The following CTNND2 variants were observed in gnomAD, a reference collection of about 807,000 sequenced individuals.
The protein encoded by CTNND2 is catenin delta-2.
Under a neutral mutation model 144.4 loss-of-function variants are expected in CTNND2, and 22 were observed. That is an observed-to-expected ratio of 0.15 (90% CI 0.11 to 0.22). The LOEUF is 0.22. Among genes scored for constraint, CTNND2 ranks in the 10% least tolerant of loss-of-function variants. The pLI is 1.00. For synonymous variants in CTNND2, 751 were observed against 695.6 expected (o/e 1.08, Z -1.25); for missense variants, 1,353 against 1,618.8 (o/e 0.84, Z 2.82).
At chr5:11,351,519 T>C (rs1755342489) in intron 8 of CTNND2, among the ~76,000 whole-genome samples, 1 of 152,218 alleles carries the variant, frequency 6.6e-6, no homozygotes. Context: ...AATAAAGAGA[T>C]GTTTTACGTT....
At chr5:11,284,159 A>G (rs1747478725) in intron 9 of CTNND2, among the ~76,000 whole-genome samples, 1 of 152,170 alleles carries the variant, frequency 6.6e-6, no homozygotes, top group African/African-American at 2.4e-5. Flanking sequence ...CTTCAGCCAC[A>G]TGGAGAGCGT....
chr5:11,810,834 A>G (rs1293875123), intron 1 of CTNND2, among the ~76,000 whole-genome samples: 1 of 152,116 alleles, frequency 6.6e-6, no homozygotes, highest in Non-Finnish European at 1.5e-5. Flanking sequence ...TAAGTTAGGC[A>G]ACACCTGGTG....
chr5:11,425,751 A>T (rs1361369785), intron 3 of CTNND2, among the ~76,000 whole-genome samples: 1 of 152,140 alleles, frequency 6.6e-6, no homozygotes, highest in Non-Finnish European at 1.5e-5. Context: ...GATTTTTATC[A>T]TCTCTTGCCT....
At chr5:11,819,784 T>G (rs1793215261) in intron 1 of CTNND2, among the ~76,000 whole-genome samples, 1 of 152,168 alleles carries the variant, frequency 6.6e-6, no homozygotes, top group Admixed American at 6.5e-5. Flanking sequence ...GGCCCTGTCT[T>G]GGAAGTTTAT....
intron 9 of CTNND2, among the ~76,000 whole-genome samples, chr5:11,266,199 A>G (rs1745423879): frequency 6.6e-6 from 1 of 152,188 alleles, no homozygotes; most frequent in African/African-American, 2.4e-5. Flanking sequence ...CTCAGACTCA[A>G]AAGGTATTGC....
chr5:11,828,203 A>T (rs928147177), intron 1 of CTNND2, among the ~76,000 whole-genome samples: 8 of 152,156 alleles, frequency 5.3e-5, no homozygotes, highest in African/African-American at 1.9e-4. Context: ...CGTGATAGTG[A>T]ATAAGTCTCA....
intron 2 of CTNND2, among the ~76,000 whole-genome samples, chr5:11,641,701 C>T (rs2059731547): frequency 7.9e-6 from 1 of 126,222 alleles, no homozygotes; most frequent in South Asian, 2.5e-4. Flanking sequence ...TGTGTATATA[C>T]ATATACGTGT....
chr5:11,739,312 C>T (rs1313189156), intron 1 of CTNND2, among the ~76,000 whole-genome samples: 1 of 152,150 alleles, frequency 6.6e-6, no homozygotes, highest in Non-Finnish European at 1.5e-5. Context: ...CTGAAAGATT[C>T]TATGTGGATG....
At chr5:11,584,427 G>T (rs879526919) in intron 2 of CTNND2, among the ~76,000 whole-genome samples, 16 of 138,540 alleles carry the variant, frequency 1.2e-4, no homozygotes, top group East Asian at 2.6e-4. Flanking sequence ...ATTTTTTTTG[G>T]GGGGGGGGAG....
chr5:11,389,050 A>G (rs1759371512), intron 6 of CTNND2, among the ~76,000 whole-genome samples: 1 of 152,254 alleles, frequency 6.6e-6, no homozygotes, highest in African/African-American at 2.4e-5. Context: ...AATAAAAATA[A>G]TGATATAACA....
Position 10,981,701 on chromosome 5 carries a change from T to C in CTNND2, c.3417+72A>G, listed in dbSNP as rs546417917. On this transcript the variant is annotated intron_variant, in intron 21 of 21. Coordinates refer to ENST00000304623, the MANE Select transcript of CTNND2 (RefSeq NM_001332.4). ...TTTATGTATGTTGGATGAAAGTTTA[T>C]GTTTAAAATTCCAGGTTATTTCACA... is the stretch of plus-strand genomic sequence containing the variant. 25 of 1,398,106 alleles carry C rather than the reference T, an allele frequency of 1.8e-5. No homozygotes were observed. The African/African-American group carries it at 3.4e-4, about 19-fold the overall frequency. 86.6% of individuals were successfully genotyped at this position (1,398,106 alleles called of 1,614,324 possible).
At chr5:11,885,725 AT>A (rs997633248) in intron 1 of CTNND2, among the ~76,000 whole-genome samples, 28 of 151,904 alleles carry the variant, frequency 1.8e-4, no homozygotes, top group Admixed American at 3.3e-4. Context: ...CAGAATACAC[AT>A]TTTTTTTCAT....
At chr5:11,111,339 G>A (rs549774562) in intron 13 of CTNND2, among the ~76,000 whole-genome samples, 2 of 152,290 alleles carry the variant, frequency 1.3e-5, no homozygotes, top group Non-Finnish European at 2.9e-5. Context: ...GTACAACCAC[G>A]AGAGATCCCA....
intron 17 of CTNND2, among the ~76,000 whole-genome samples, chr5:11,020,916 A>G (rs1234311480): frequency 6.6e-6 from 1 of 152,198 alleles, no homozygotes; most frequent in African/African-American, 2.4e-5. Flanking sequence ...CGCCTATTCT[A>G]TAAGTAAATT....
intron 3 of CTNND2, among the ~76,000 whole-genome samples, chr5:11,432,262 C>A: frequency 6.9e-6 from 1 of 144,628 alleles, no homozygotes; most frequent in Admixed American, 6.8e-5. Flanking sequence ...ATAAATTGGC[C>A]ATATGAGGAC....
At chr5:11,837,933 G>C (rs781107085) in intron 1 of CTNND2, among the ~76,000 whole-genome samples, 2 of 151,882 alleles carry the variant, frequency 1.3e-5, no homozygotes, top group Non-Finnish European at 2.9e-5. Context: ...TAATTTCCAG[G>C]CCCTTTACTT....
chr5:11,142,763 G>A (rs1432533205), intron 12 of CTNND2, among the ~76,000 whole-genome samples: 4 of 151,736 alleles, frequency 2.6e-5, no homozygotes, highest in Non-Finnish European at 5.9e-5. Context: ...ACAGGCGCGC[G>A]CCACCATGCC....
chr5:11,476,197 T>G (rs1213417672), intron 3 of CTNND2, among the ~76,000 whole-genome samples: 5 of 152,166 alleles, frequency 3.3e-5, no homozygotes, highest in Admixed American at 2.6e-4. Context: ...GAAAACCCAC[T>G]TAAGAACTTG....
At chr5:11,858,667 C>T (rs1401505498) in intron 1 of CTNND2, among the ~76,000 whole-genome samples, 1 of 152,206 alleles carries the variant, frequency 6.6e-6, no homozygotes, top group African/African-American at 2.4e-5. Flanking sequence ...CGGTGGCTCA[C>T]GCCTGTTAAT....
Sources: gnomAD v4.1 joint callset for allele counts (sites outside exome capture counted in the v4.1 genomes callset) on GRCh38, gnomAD v4.1.1 for gene constraint, MANE v1.5 for transcripts, NCBI Gene and HGNC (gene_info 2026-07-23, HGNC 2026-07-21) for gene names.